The following DHDDS variants were observed in gnomAD, a reference collection of about 807,000 sequenced individuals.
The protein encoded by DHDDS is dehydrodolichyl diphosphate synthase subunit.
DHDDS carries 16 observed loss-of-function variants against 46.2 expected under a neutral mutation model. That is an observed-to-expected ratio of 0.35 (90% CI 0.23 to 0.53). The LOEUF (loss-of-function observed/expected upper bound fraction) is 0.53. DHDDS is among the 20% of genes least tolerant of loss of function. The pLI, the probability that DHDDS is intolerant of heterozygous loss-of-function variation, is 0.94. For missense variants in DHDDS, 340 were observed against 423.7 expected (o/e 0.80, Z 1.73); for synonymous variants, 151 against 163.1 (o/e 0.93, Z 0.56).
At chr1:26,438,082 C>G in intron 2 of DHDDS, 86 bp from the exon 3 acceptor site, 3 of 1,418,342 alleles carry the variant, frequency 2.1e-6, no homozygotes, top group South Asian at 1.2e-5. Context: ...ATCACATAGC[C>G]CAAACATATC....
intron 3 of DHDDS, 79 bp downstream of exon 3, chr1:26,438,363 G>T (rs994187021): frequency 3.1e-6 from 4 of 1,310,080 alleles, no homozygotes; most frequent in Admixed American, 1.7e-5. Context: ...CTCTGAGTTT[G>T]CTGTGGTTGG....
At chr1:26,446,926 G>A (rs1256478888) in intron 5 of DHDDS, among the ~76,000 whole-genome samples, 1 of 152,178 alleles carries the variant, frequency 6.6e-6, no homozygotes, top group Non-Finnish European at 1.5e-5. Flanking sequence ...TTTGGCAGTG[G>A]ACTTGTTTTA....
At chr1:26,460,907 CTT>C (rs1445061205) in intron 8 of DHDDS, among the ~76,000 whole-genome samples, 1 of 152,114 alleles carries the variant, frequency 6.6e-6, no homozygotes, top group Non-Finnish European at 1.5e-5. Flanking sequence ...GGGTTTTGCT[CTT>C]GTTGCCCAGG....
At chr1:26,463,630 C>T (rs1261526146) in intron 8 of DHDDS, among the ~76,000 whole-genome samples, 1 of 152,070 alleles carries the variant, frequency 6.6e-6, no homozygotes, top group East Asian at 1.9e-4. Context: ...CCTCAGCCTC[C>T]CAAGTGGCTG....
At chr1:26,451,251 T>C (rs2075315997) in intron 6 of DHDDS, among the ~76,000 whole-genome samples, 1 of 152,178 alleles carries the variant, frequency 6.6e-6, no homozygotes, top group African/African-American at 2.4e-5. Flanking sequence ...CGTTACACTT[T>C]ATATTATTCG....
At chr1:26,459,918 A>C (rs1255181092) in intron 7 of DHDDS, 119 bp from the exon 8 acceptor site, 1 of 822,044 alleles carries the variant, frequency 1.2e-6, no homozygotes. Context: ...GGATGCCTGT[A>C]ACATTGTCAT....
intron 6 of DHDDS, chr1:26,454,601 T>C (rs564571715): frequency 6.3e-5 from 58 of 916,714 alleles, no homozygotes; most frequent in Admixed American, 4.2e-4. Context: ...TTTTTTTTTT[T>C]CCCTTTTAAT....
rs1197969270 is a variant in DHDDS at position 26,444,379 on chromosome 1, T to C, written c.323+1506T>C. ...AATTTGATTTGAAGAAAGGGTTCTT[T>C]GGCTAAAAGAAGGTGGGAAAACCAC... is the stretch of plus-strand genomic sequence containing the variant. On this transcript the variant is annotated intron_variant, in intron 4 of 8. Coordinates refer to ENST00000236342, the MANE Select transcript of DHDDS (RefSeq NM_205861.3). Among the ~76,000 whole-genome samples the C allele has an allele frequency of 2.6e-5, 4 of 152,182 alleles. No individual in the cohort carries two copies. In the East Asian group the frequency reaches 7.7e-4, roughly 29 times the overall value.
intron 8 of DHDDS, chr1:26,467,180 T>C: frequency 2.7e-6 from 1 of 371,458 alleles, no homozygotes; most frequent in South Asian, 2.0e-5. Flanking sequence ...CCACATCCTA[T>C]TTTGCATCGT....
chr1:26,432,646 G>A, intron 1 of DHDDS: 1 of 454,478 alleles, frequency 2.2e-6, no homozygotes, highest in Admixed American at 3.4e-5. Context: ...GAAGAAGTCA[G>A]TGCAGATACG....
At chr1:26,464,659 G>T (rs1338552501) in intron 8 of DHDDS, among the ~76,000 whole-genome samples, 1 of 152,144 alleles carries the variant, frequency 6.6e-6, no homozygotes, top group East Asian at 1.9e-4. Flanking sequence ...CTTTTCTCAT[G>T]TCTCCCTTTT....
At chr1:26,445,269 A>T (rs561111387) in intron 4 of DHDDS, among the ~76,000 whole-genome samples, 34 of 152,340 alleles carry the variant, frequency 2.2e-4, no homozygotes, top group Non-Finnish European at 4.0e-4. Flanking sequence ...CCATTATCAT[A>T]ATATTTCACT....
intron 4 of DHDDS, among the ~76,000 whole-genome samples, chr1:26,445,065 C>T (rs1213781784): frequency 6.3e-5 from 7 of 110,394 alleles, no homozygotes; most frequent in Admixed American, 1.1e-4. Context: ...TGACTCCCTA[C>T]GTGCAAATCC....
chr1:26,451,621 A>ATT (rs1376887714), intron 6 of DHDDS, among the ~76,000 whole-genome samples: 4 of 129,444 alleles, frequency 3.1e-5, no homozygotes, highest in Non-Finnish European at 6.6e-5. Flanking sequence ...ACACCCGGCT[A>ATT]TTTTTTTTTC....
chr1:26,437,469 C>T (rs894911166), intron 2 of DHDDS, among the ~76,000 whole-genome samples: 1 of 151,402 alleles, frequency 6.6e-6, no homozygotes, highest in Non-Finnish European at 1.5e-5. Flanking sequence ...TAGGGAAACA[C>T]ACCATCTTTT....
chr1:26,458,823 G>T (rs1257977493), intron 7 of DHDDS, among the ~76,000 whole-genome samples: 3 of 151,792 alleles, frequency 2.0e-5, no homozygotes, highest in African/African-American at 7.3e-5. Context: ...GATCACGTTT[G>T]GGAAGTTTAC....
chr1:26,441,218 C>T lies in DHDDS; in HGVS notation c.181-1513C>T, dbSNP rs145113336. 5.3e-3 allele frequency among the ~76,000 whole-genome samples: 801 copies of T among 151,730 alleles called. 4 individuals carry two copies. The highest frequency in any genetic ancestry group is 0.018 in the African/African-American group (743 of 41,346). ...GATTATAGGTGTGAGCCACCACGCC[C>T]GGCCTGTTTTTTTTTGAGTTGAAGT... is the stretch of plus-strand genomic sequence containing the variant. On this transcript the variant is annotated intron_variant, in intron 3 of 8. Coordinates refer to ENST00000236342, the MANE Select transcript of DHDDS (RefSeq NM_205861.3).
At chr1:26,451,908 G>A (rs1161473664) in intron 6 of DHDDS, among the ~76,000 whole-genome samples, 4 of 151,524 alleles carry the variant, frequency 2.6e-5, no homozygotes, top group Non-Finnish European at 5.9e-5. Context: ...GATCACACCC[G>A]GCTATTTTTT....
intron 3 of DHDDS, among the ~76,000 whole-genome samples, chr1:26,439,386 C>T (rs1461223332): frequency 6.6e-6 from 1 of 151,908 alleles, no homozygotes; most frequent in African/African-American, 2.4e-5. Flanking sequence ...ACTGTTTCAG[C>T]CTGGGCAACA....
Sources: gnomAD v4.1 joint callset for allele counts (sites outside exome capture counted in the v4.1 genomes callset) on GRCh38, gnomAD v4.1.1 for gene constraint, MANE v1.5 for transcripts, NCBI Gene and HGNC (gene_info 2026-07-23, HGNC 2026-07-21) for gene names.